Variants in NAA16 observed in about 807,000 individuals in gnomAD.
The protein encoded by NAA16 is NARG1-like protein.
NAA16 carries 97 observed loss-of-function variants against 110.3 expected under a neutral mutation model. The observed-to-expected ratio is 0.88, with a 90% CI of 0.75 to 1.04. The LOEUF is 1.04. Ranked by LOEUF, NAA16 falls within the 50% of genes least tolerant of loss-of-function variation. NAA16 has a pLI of 0.00. For synonymous variants in NAA16, 372 were observed against 330.6 expected (o/e 1.13, Z -1.36); for missense variants, 1,017 against 1,005.1 (o/e 1.01, Z -0.16).
At chr13:41,316,807 T>TC (rs2041822312) in intron 1 of NAA16, 39 bp from the exon 2 acceptor site, 1 of 1,362,806 alleles carries the variant, frequency 7.3e-7, no homozygotes, top group Admixed American at 1.7e-5. Context: ...CATTATGTAT[T>TC]CATTTGATAA....
At chr13:41,358,263 T>A in intron 10 of NAA16, 41 bp from the exon 11 acceptor site, 1 of 1,518,880 alleles carries the variant, frequency 6.6e-7, no homozygotes, top group Non-Finnish European at 9.1e-7. Context: ...TGATTTGCTT[T>A]ACATTCTTTC....
chr13:41,323,238 C>T, intron 5 of NAA16, 48 bp downstream of exon 5: 15 of 1,572,096 alleles, frequency 9.5e-6, no homozygotes, highest in Non-Finnish European at 1.2e-5. Context: ...GAGTAGTTGA[C>T]TTCTAAATTG....
intron 8 of NAA16, among the ~76,000 whole-genome samples, chr13:41,333,238 T>C (rs1279821598): frequency 6.6e-6 from 1 of 152,158 alleles, no homozygotes; most frequent in Non-Finnish European, 1.5e-5. Flanking sequence ...ATTTCTTCCT[T>C]CTCCTCTTTG....
chr13:41,354,661 A>G (rs2042933010), intron 9 of NAA16: 1 of 152,506 alleles, frequency 6.6e-6, no homozygotes, highest in Admixed American at 6.5e-5. Context: ...AGTGAGCACC[A>G]GACCTTATTT....
At position 41,369,141 on chromosome 13, in the gene NAA16, C is replaced by T. The variant is rs1413292513; in HGVS notation, c.1805C>T (p.Ala602Val). ...LKKMLSKQRR[A>V]QKKAKLEEER... The stretch of plus-strand genomic sequence containing the variant: ...AAAATGCTTAGCAAGCAGAGAAGAG[C>T]TCAGAAAAAGGCTAAACTAGAAGAA... The change falls in exon 15 of 20, where the codon GCT becomes GTT. Residue 602 changes from alanine (A) to valine (V), a missense_variant. Ala to Val is a moderately conservative substitution (Grantham distance 64, BLOSUM62 0). Transcript: ENST00000379406. 6.3e-7 allele frequency: 1 copy of T among 1,585,168 alleles called. No individual in the cohort carries two copies. Among genetic ancestry groups the T allele is most frequent in the Non-Finnish European group, 8.5e-7 (1 of 1,171,788 alleles).
intron 8 of NAA16, among the ~76,000 whole-genome samples, chr13:41,335,859 GTT>G (rs66771949): frequency 0.091 from 13,346 of 146,516 alleles, 740 homozygotes; most frequent in East Asian, 0.23. Context: ...ACATACATGT[GTT>G]TTTTTTTTTT....
chr13:41,367,574 A>G lies in NAA16; in HGVS notation c.1675A>G (p.Arg559Gly), dbSNP rs1218086129. The stretch of plus-strand genomic sequence containing the variant: ...ACATGCCTTTTATTTCAAGGCTGCT[A>G]GATCAGCGATTGAAATATACTTGAA... ...RRHAFYFKAA[R>G]SAIEIYLKLY... Residue 559 changes from arginine to glycine, a missense_variant, in exon 14 of 20, where the codon AGA becomes GGA. Transcript: ENST00000379406. The G allele has an allele frequency of 1.2e-6, 2 of 1,613,248 alleles. No homozygotes were observed. The highest frequency in any genetic ancestry group is 3.3e-5 in the Admixed American group (2 of 59,916).
intron 6 of NAA16, chr13:41,328,050 G>A (rs887262392): frequency 1.3e-5 from 2 of 152,076 alleles, no homozygotes; most frequent in African/African-American, 4.8e-5. Flanking sequence ...AGGAAGCTGA[G>A]GTATGTTCTT....
chr13:41,338,455 A>G (rs2042442033), intron 9 of NAA16, among the ~76,000 whole-genome samples: 1 of 152,192 alleles, frequency 6.6e-6, no homozygotes, highest in Non-Finnish European at 1.5e-5. Flanking sequence ...CACTGAGAAT[A>G]CACTAATTCA....
chr13:41,321,136 A>G (rs2041935008), intron 4 of NAA16, among the ~76,000 whole-genome samples: 1 of 152,154 alleles, frequency 6.6e-6, no homozygotes, highest in Admixed American at 6.5e-5. Context: ...CTCCGTCTCT[A>G]CAAATAAGAA....
At chr13:41,352,837 C>G (rs1208211035) in intron 9 of NAA16, among the ~76,000 whole-genome samples, 1 of 151,992 alleles carries the variant, frequency 6.6e-6, no homozygotes, top group African/African-American at 2.4e-5. Context: ...CTGTTTTATT[C>G]AGAAGTATTT....
chr13:41,348,007 C>G (rs576396260), intron 9 of NAA16, among the ~76,000 whole-genome samples: 153 of 152,058 alleles, frequency 1.0e-3, no homozygotes, highest in Non-Finnish European at 1.7e-3. Flanking sequence ...CAAGGAAGTT[C>G]CCTTCAACTC....
At position 41,367,539 on chromosome 13, in the gene NAA16, T is replaced by G. The variant is rs200515108; in HGVS notation, c.1640T>G (p.Ile547Arg). ...AYVDLLRLED[I>R]LRRHAFYFKA... is the part of the protein sequence containing the mutation. ...GTTGACCTTTTGAGATTAGAAGATA[T>G]ACTCAGAAGACATGCCTTTTATTTC... Residue 547 changes from isoleucine to arginine, a missense_variant, in exon 14 of 20, where the codon ATA becomes AGA. By Grantham distance (97) the Ile-to-Arg change is moderately conservative (BLOSUM62 -3). Transcript: ENST00000379406. The G allele has an allele frequency of 9.3e-6, 15 of 1,612,602 alleles. No homozygotes were observed. Among genetic ancestry groups the G allele is most frequent in the Non-Finnish European group, 1.2e-5 (14 of 1,179,052 alleles).
At chr13:41,319,563 C>T (rs1024179134) in intron 3 of NAA16, among the ~76,000 whole-genome samples, 38 of 152,024 alleles carry the variant, frequency 2.5e-4, no homozygotes, top group Non-Finnish European at 5.9e-5. Flanking sequence ...GTCACCCAGG[C>T]TAGAGTGCAG....
chr13:41,313,749 A>G (rs2041723549), intron 1 of NAA16, among the ~76,000 whole-genome samples: 2 of 152,226 alleles, frequency 1.3e-5, no homozygotes, highest in Admixed American at 6.5e-5. Context: ...AGACAAACCT[A>G]AAGATGGTAA....
At chr13:41,326,027 A>G (rs377630939) in intron 6 of NAA16, among the ~76,000 whole-genome samples, 176 bp downstream of exon 6, 1 of 152,150 alleles carries the variant, frequency 6.6e-6, no homozygotes, top group Non-Finnish European at 1.5e-5. Context: ...TGTAGTTATT[A>G]TATCTATTTT....
At chr13:41,351,819 G>A (rs77094463) in intron 9 of NAA16, among the ~76,000 whole-genome samples, 1 of 152,094 alleles carries the variant, frequency 6.6e-6, no homozygotes, top group East Asian at 1.9e-4. Flanking sequence ...TTTTTGTTGC[G>A]ATCTCAGATA....
chr13:41,317,493 C>G (rs961703110), intron 2 of NAA16, among the ~76,000 whole-genome samples: 5 of 152,122 alleles, frequency 3.3e-5, no homozygotes, highest in Middle Eastern at 3.4e-3. Context: ...AAGGGTGGAT[C>G]AGGATAGACA....
intron 13 of NAA16, among the ~76,000 whole-genome samples, chr13:41,363,254 T>C (rs2043148076): frequency 6.6e-6 from 1 of 152,178 alleles, no homozygotes; most frequent in African/African-American, 2.4e-5. Flanking sequence ...ACCATTATTT[T>C]AAGAGCATTC....
Sources: allele counts gnomAD v4.1 joint callset (sites outside exome capture counted in the v4.1 genomes callset), GRCh38; gene constraint gnomAD v4.1.1; transcripts MANE v1.5; gene names NCBI Gene and HGNC (gene_info 2026-07-23, HGNC 2026-07-21).